FKBP4: variants seen among roughly 807,000 people sequenced by gnomAD.
The protein encoded by FKBP4 is FKBP prolyl isomerase 4, also known as peptidyl-prolyl cis-trans isomerase FKBP4.
A neutral mutation model predicts 54.1 loss-of-function variants in FKBP4; 28 were observed. The observed-to-expected ratio is 0.52, with a 90% confidence interval of 0.38 to 0.71. The LOEUF is 0.71. Among genes scored for constraint, FKBP4 ranks in the 30% least tolerant of loss-of-function variants. The pLI is 0.00. For synonymous variants in FKBP4, 223 were observed against 216.1 expected, an observed-to-expected ratio of 1.03 and a Z score of -0.28; for missense variants, 493 against 574.4, an observed-to-expected ratio of 0.86 and a Z score of 1.45.
At position 2,805,364 on chromosome 12, in the gene FKBP4, T is replaced by G; in HGVS notation, c.*2106T>G. 1 of 341,664 alleles carries G rather than the reference T, an allele frequency of 2.9e-6. No individual in the cohort carries two copies. Among genetic ancestry groups the G allele is most frequent in the South Asian group, 2.3e-5 (1 of 43,854 alleles). 21.2% of individuals were successfully genotyped at this position (341,664 alleles called of 1,614,324 possible). A position where few individuals can be genotyped will look rare whatever the true frequency, so the allele number is the denominator to read the frequency against. On this transcript the variant is annotated 3_prime_UTR_variant, in exon 10 of 10. Transcript: ENST00000001008. ...AAACTGCATGTAACCGTGGAACATC[T>G]AGAGATAAGTCTTAGTTTATGTAAC...
At chr12:2,801,579 TG>T (rs751530946) in intron 9 of FKBP4, 2 of 656,822 alleles carry the variant, frequency 3.0e-6, no homozygotes. Context: ...TTGCCCTGAG[TG>T]TAATTCCCGA....
chr12:2,800,972 C>A, intron 8 of FKBP4, 145 bp from the exon 9 acceptor site: 2 of 1,024,236 alleles, frequency 2.0e-6, no homozygotes, highest in Non-Finnish European at 1.4e-6. Flanking sequence ...CCATTTAATG[C>A]CTCAGGCCTT....
In FKBP4 at chr12:2,795,016, G is replaced by A; in HGVS notation, c.-124G>A. 1 of 428,386 alleles carries A rather than the reference G, an allele frequency of 2.3e-6. No homozygotes were observed. The highest frequency in any genetic ancestry group is 3.7e-6 in the Non-Finnish European group (1 of 268,934). The allele number at this position is 428,386 out of a possible 1,614,324, so 26.5% of individuals were successfully genotyped here. On this transcript the variant is annotated 5_prime_UTR_variant, in exon 1 of 10. Transcript: ENST00000001008. The surrounding 1 kb of genome is among the most constrained non-coding windows in gnomAD (Gnocchi z 4.3). ...CGTGCAGAGGTGCTCAAGCCTCCTC[G>A]CGGTCCGCAGTCAGTGCCGCCGCGC...
At chr12:2,803,037 A>G (rs895777432) in intron 9 of FKBP4, 114 bp from the exon 10 acceptor site, 7 of 770,802 alleles carry the variant, frequency 9.1e-6, no homozygotes, top group African/African-American at 1.7e-5. Context: ...CTATACAGGT[A>G]TAGCTTTAGG....
At chr12:2,796,826 G>A in intron 1 of FKBP4, 1 of 1,144,764 alleles carries the variant, frequency 8.7e-7, no homozygotes, top group South Asian at 2.5e-5. Flanking sequence ...AGGAGATAGG[G>A]ATTATCATCA....
At chr12:2,797,626 T>G in intron 2 of FKBP4, 103 bp from the exon 3 acceptor site, 1 of 1,397,704 alleles carries the variant, frequency 7.2e-7, no homozygotes, top group East Asian at 2.3e-5. Context: ...CTAAAGGATG[T>G]CCAGCTTCCC....
Position 2,804,748 on chromosome 12 carries a change from A to G in FKBP4, c.*1490A>G, listed in dbSNP as rs2153921188. The G allele has an allele frequency of 6.3e-6, 1 of 159,414 alleles. No homozygotes were observed. The highest frequency in any genetic ancestry group is 1.9e-4 in the East Asian group (1 of 5,322). The allele number at this position is 159,414 out of a possible 1,614,324, so 9.9% of individuals were successfully genotyped here. ...GGTGGAAGATGTATTTCTGTGTGAA[A>G]ATTTTCACCAAGTCATACAACACAG... On this transcript the variant is annotated 3_prime_UTR_variant, in exon 10 of 10. Coordinates refer to ENST00000001008, the MANE Select transcript of FKBP4 (RefSeq NM_002014.4).
At chr12:2,796,942 T>C in intron 1 of FKBP4, 196 bp from the exon 2 acceptor site, 7 of 1,372,288 alleles carry the variant, frequency 5.1e-6, no homozygotes, top group Non-Finnish European at 6.6e-6. Context: ...CAAGTCTTGC[T>C]GCACCTCAAG....
intron 9 of FKBP4, among the ~76,000 whole-genome samples, chr12:2,802,369 A>G (rs1053363876): frequency 2.6e-5 from 4 of 152,136 alleles, no homozygotes; most frequent in Non-Finnish European, 5.9e-5. Flanking sequence ...TCCTGACTTT[A>G]GTGATCTGCC....
chr12:2,796,170 C>T (rs1205531352), intron 1 of FKBP4: 1 of 1,278,450 alleles, frequency 7.8e-7, no homozygotes, highest in Non-Finnish European at 1.0e-6. Context: ...GCTGCTGCGT[C>T]CTCATCCTGG....
Position 2,803,402 on chromosome 12 carries a change from G to C in FKBP4, c.*144G>C, listed in dbSNP as rs1033256354. 5 of 638,144 alleles carry C rather than the reference G, an allele frequency of 7.8e-6. No homozygotes were observed. In the Admixed American group the frequency reaches 1.3e-4, roughly 16 times the overall value. The allele number at this position is 638,144 out of a possible 1,614,324, so 39.5% of individuals were successfully genotyped here. A position where few individuals can be genotyped will look rare whatever the true frequency, so the allele number is the denominator to read the frequency against. On this transcript the variant is annotated 3_prime_UTR_variant, in exon 10 of 10. Transcript: ENST00000001008. ...GTTGGATGGTGGCTTTAGGGGAAGGGGGAAAGGTGTAGGCTGGGGGATTGA... is the reference window on the plus strand; with the variant it reads ...GTTGGATGGTGGCTTTAGGGGAAGGCGGAAAGGTGTAGGCTGGGGGATTGA...
Position 2,798,763 on chromosome 12 carries a change from A to G in FKBP4, c.451A>G (p.Ile151Val), listed in dbSNP as rs1188230807. 3.7e-6 allele frequency: 6 copies of G among 1,614,244 alleles called. No homozygotes were observed. The South Asian group carries it at 6.6e-5, about 18-fold the overall frequency. ...GACGGAAGAGGAAGATGGCGGAATC[A>G]TTCGCAGAATACAGACTCGCGGTGA... ...DLTEEEDGGI[I>V]RRIQTRGEGY... The change falls in exon 4 of 10, where the codon ATT (isoleucine) becomes GTT (valine). Residue 151 changes from isoleucine to valine, a missense_variant. Transcript: ENST00000001008. The surrounding 1 kb of genome is among the most constrained non-coding windows in gnomAD (Gnocchi z 4.3).
chr12:2,804,514 T>G lies in FKBP4; in HGVS notation c.*1256T>G, dbSNP rs1253226097. On this transcript the variant is annotated 3_prime_UTR_variant, in exon 10 of 10. Transcript: ENST00000001008. ...TTCTAACTATGCTTTGACCCTTAACTCCTATGGCATGATGGGGCCCTGGGA... is the reference window on the plus strand; with the variant it reads ...TTCTAACTATGCTTTGACCCTTAACGCCTATGGCATGATGGGGCCCTGGGA... 6.6e-6 allele frequency: 1 copy of G among 152,228 alleles called. No individual in the cohort carries two copies. The highest frequency in any genetic ancestry group is 1.5e-5 in the Non-Finnish European group (1 of 68,076). The allele number at this position is 152,228 out of a possible 1,614,324, so 9.4% of individuals were successfully genotyped here. A position where few individuals can be genotyped will look rare whatever the true frequency, so the allele number is the denominator to read the frequency against.
rs2097905614 is a variant in FKBP4 at position 2,802,879 on chromosome 12, C to T, written c.1273-272C>T. On this transcript the variant is annotated intron_variant, in intron 9 of 9. Transcript: ENST00000001008. ...AGTAGCTGGGACTACAGGTGCATGC[C>T]ACCACGCCCAGGTAATTTTTGTAAT... is the stretch of plus-strand genomic sequence containing the variant. 2.0e-5 allele frequency among the ~76,000 whole-genome samples: 3 copies of T among 152,192 alleles called. No individual in the cohort carries two copies. The South Asian group carries it at 6.2e-4, about 31-fold the overall frequency.
chr12:2,798,055 G>A lies in FKBP4; in HGVS notation c.393+184G>A, dbSNP rs1040747011. Among the ~76,000 whole-genome samples the A allele has an allele frequency of 3.3e-5, 5 of 152,186 alleles. No homozygotes were observed. Among genetic ancestry groups the A allele is most frequent in the African/African-American group, 9.7e-5 (4 of 41,446 alleles). ...AGTAATGGAAGTAATAGAAGCTTCG[G>A]GTGGGAAGAGGCAGGCACAAGCCCC... On this transcript the variant is annotated intron_variant, in intron 3 of 9. Transcript: ENST00000001008. The surrounding 1 kb of genome is among the most constrained non-coding windows in gnomAD (Gnocchi z 4.3).
intron 2 of FKBP4, 102 bp from the exon 3 acceptor site, chr12:2,797,627 C>G (rs759617848): frequency 1.0e-5 from 14 of 1,401,416 alleles, no homozygotes; most frequent in Non-Finnish European, 1.4e-5. Context: ...TAAAGGATGT[C>G]CAGCTTCCCC....
At position 2,801,926 on chromosome 12, in the gene FKBP4, T is replaced by G. The variant is rs116680753; in HGVS notation, c.1272+570T>G. The stretch of plus-strand genomic sequence containing the variant: ...GCGTCAAGGCACAGGCAGACGTTCC[T>G]GTTGCTTCCTCCCTTTCCCCTAACA... On this transcript the variant is annotated intron_variant, in intron 9 of 9. Coordinates refer to ENST00000001008, the MANE Select transcript of FKBP4 (RefSeq NM_002014.4). The G allele has an allele frequency of 9.6e-3, 1,507 of 156,732 alleles. 20 individuals carry two copies. Among genetic ancestry groups the G allele is most frequent in the African/African-American group, 0.038 (1,417 of 37,716 alleles). The allele number at this position is 156,732 out of a possible 1,614,324, so 9.7% of individuals were successfully genotyped here. A position where few individuals can be genotyped will look rare whatever the true frequency, so the allele number is the denominator to read the frequency against.
chr12:2,800,127 G>A lies in FKBP4; in HGVS notation c.846+5G>A. Reference sequence around the variant, plus strand: ...CGGGGCACTGTGTACTTCAAGGTGAGCCAACAGTCATTGTCCTAAGGACAC... The same window carrying A: ...CGGGGCACTGTGTACTTCAAGGTGAACCAACAGTCATTGTCCTAAGGACAC... On this transcript the variant is annotated splice_donor_5th_base_variant and intron_variant, in intron 7 of 9. Coordinates refer to ENST00000001008, the MANE Select transcript of FKBP4 (RefSeq NM_002014.4). 1.2e-6 allele frequency: 2 copies of A among 1,612,772 alleles called. No individual in the cohort carries two copies. The highest frequency in any genetic ancestry group is 1.3e-5 in the African/African-American group (1 of 75,004).
At chr12:2,802,032 G>A (rs187788857) in intron 9 of FKBP4, among the ~76,000 whole-genome samples, 1,761 of 152,170 alleles carry the variant, frequency 0.012, 12 homozygotes, top group Admixed American at 0.017. Flanking sequence ...TTTTACATCC[G>A]TATTTAAAGA....
Sources: gnomAD v4.1 joint callset for allele counts (sites outside exome capture counted in the v4.1 genomes callset) on GRCh38, gnomAD v4.1.1 for gene constraint, Gnocchi (gnomAD v3.1) non-coding constraint, MANE v1.5 for transcripts, NCBI Gene and HGNC (gene_info 2026-07-23, HGNC 2026-07-21) for gene names.